Variants in RPTOR observed in about 807,000 individuals in gnomAD.
The protein encoded by RPTOR is regulatory associated protein of MTOR complex 1.
In RPTOR, 21 loss-of-function variants were observed where a neutral mutation model predicts 169.9. The ratio of observed to expected loss-of-function variants is 0.12; its 90% CI spans 0.09 to 0.18. The LOEUF (loss-of-function observed/expected upper bound fraction) is 0.18. Among genes scored for constraint, RPTOR ranks in the 10% least tolerant of loss-of-function variants. The probability of loss-of-function intolerance (pLI) is 1.00; values close to 1 mark genes in which losing one functional copy is unlikely to be tolerated. For missense variants in RPTOR, 1,133 were observed against 1,855.9 expected, an observed-to-expected ratio of 0.61 and a Z score of 7.16; for synonymous variants, 732 against 753.2, an observed-to-expected ratio of 0.97 and a Z score of 0.46.
rs190807835 is a variant in RPTOR, at chr17:80,893,816, C to A, written c.2352C>A (p.Ile784=). 1.5e-5 allele frequency: 23 copies of A among 1,546,454 alleles called. No individual in the cohort carries two copies. In the East Asian group the frequency reaches 4.7e-4, roughly 31 times the overall value. The change falls in exon 20 of 34, where the codon ATC becomes ATA. Residue 784 remains isoleucine (I), a synonymous_variant. Coordinates refer to ENST00000306801, the MANE Select transcript of RPTOR (RefSeq NM_020761.3). ...AGCATATCCTGTCCTTCGAGACCAT[C>A]GACAAGATGCGCCGCGCCAGCTCCT... The part of the protein sequence containing the change: ...NEEHILSFET[I]DKMRRASSYS...
intron 13 of RPTOR, among the ~76,000 whole-genome samples, chr17:80,864,138 C>T (rs1452247975): frequency 6.6e-6 from 1 of 152,168 alleles, no homozygotes; most frequent in Non-Finnish European, 1.5e-5. Context: ...ACCCACAGAT[C>T]CACAAAGCTT....
At position 80,883,842 on chromosome 17, in the gene RPTOR, C is replaced by T. The variant is rs750870985; in HGVS notation, c.1712C>T (p.Pro571Leu). The T allele has an allele frequency of 1.3e-5, 21 of 1,613,650 alleles. No individual in the cohort carries two copies. The highest frequency in any genetic ancestry group is 1.8e-5 in the Non-Finnish European group (21 of 1,180,054). Residue 571 changes from proline (P) to leucine (L), a missense_variant, in exon 16 of 34, where the codon CCC becomes CTC. By Grantham distance (98) the Pro-to-Leu change is moderately conservative. Around this residue, in one of 9 missense-constraint regions of RPTOR, gnomAD observed 289 missense variants for 585.8 expected, o/e 0.49. Transcript: ENST00000306801. The stretch of plus-strand genomic sequence containing the variant: ...CTGGAGCAGCTCAACGACCCGCACC[C>T]CTTGCTGCGCCAGTGGGTGGCCATC... Reference protein sequence around the residue: ...ICLEQLNDPHPLLRQWVAICL... With the variant: ...ICLEQLNDPHLLLRQWVAICL...
In RPTOR at chr17:80,893,389, T is replaced by C. The variant is rs542095748; in HGVS notation, c.2243-318T>C. 1.4e-4 allele frequency among the ~76,000 whole-genome samples: 18 copies of C among 124,678 alleles called. No homozygotes were observed. The South Asian group carries it at 5.3e-3, about 37-fold the overall frequency. 81.8% of individuals were successfully genotyped at this position (124,678 alleles called of 152,430 possible). A position where few individuals can be genotyped will look rare whatever the true frequency, so the allele number is the denominator to read the frequency against. ...GTGTGTGTGCACAAGGGTGTGTGCATGCCAGGGTGTGTGTGTGTGTGTACA... is the reference window on the plus strand; with the variant it reads ...GTGTGTGTGCACAAGGGTGTGTGCACGCCAGGGTGTGTGTGTGTGTGTACA... On this transcript the variant is annotated intron_variant, in intron 19 of 33. Coordinates refer to ENST00000306801, the MANE Select transcript of RPTOR (RefSeq NM_020761.3).
At chr17:80,568,326 G>GT (rs1305216312) in intron 1 of RPTOR, among the ~76,000 whole-genome samples, 6 of 152,164 alleles carry the variant, frequency 3.9e-5, no homozygotes, top group African/African-American at 1.4e-4. Flanking sequence ...TTGGTCACAT[G>GT]TTTTCTCAGC....
At chr17:80,909,837 T>G (rs1405823294) in intron 21 of RPTOR, 3 of 152,254 alleles carry the variant, frequency 2.0e-5, no homozygotes, top group Non-Finnish European at 4.4e-5. Context: ...TTGATTGAGC[T>G]TTCATCAATA....
intron 7 of RPTOR, among the ~76,000 whole-genome samples, chr17:80,799,065 C>A (rs958909111): frequency 1.3e-5 from 2 of 152,204 alleles, no homozygotes; most frequent in African/African-American, 2.4e-5. Flanking sequence ...AAGACCCTCC[C>A]GAGCGTGATA....
chr17:80,849,611 C>T (rs887625254), intron 11 of RPTOR, among the ~76,000 whole-genome samples: 1 of 152,194 alleles, frequency 6.6e-6, no homozygotes, highest in African/African-American at 2.4e-5. Flanking sequence ...CCTCTGCCTC[C>T]TGGGTTCAAG....
chr17:80,872,391 G>A (rs906504841), intron 13 of RPTOR, among the ~76,000 whole-genome samples: 2 of 152,138 alleles, frequency 1.3e-5, no homozygotes. Flanking sequence ...GGAGAACTGC[G>A]GACCAGGAAG....
intron 17 of RPTOR, among the ~76,000 whole-genome samples, chr17:80,885,633 T>G (rs1435642172): frequency 1.3e-5 from 2 of 152,192 alleles, no homozygotes; most frequent in Non-Finnish European, 2.9e-5. Flanking sequence ...AAGCTCCGCC[T>G]CCCGGGTTCA....
chr17:80,757,242 G>T (rs2066690069), intron 6 of RPTOR, among the ~76,000 whole-genome samples: 1 of 152,206 alleles, frequency 6.6e-6, no homozygotes, highest in Admixed American at 6.5e-5. Context: ...AATTGGGAAA[G>T]CTGGAAGCCC....
chr17:80,803,596 C>G lies in RPTOR; in HGVS notation c.890+12087C>G, dbSNP rs966502142. The G allele has an allele frequency of 6.6e-6, 1 of 152,232 alleles. No individual in the cohort carries two copies. The highest frequency in any genetic ancestry group is 2.4e-5 in the African/African-American group (1 of 41,442). The allele number at this position is 152,232 out of a possible 1,614,324, so 9.4% of individuals were successfully genotyped here. A position where few individuals can be genotyped will look rare whatever the true frequency, so the allele number is the denominator to read the frequency against. The stretch of plus-strand genomic sequence containing the variant: ...TCAGCGGGGCCTCGGGTTCCAGGCT[C>G]GAGCGCACTTTTCAGACCCCGCGTG... On this transcript the variant is annotated intron_variant, in intron 7 of 33. Transcript: ENST00000306801. This position sits in a 1 kb window ranked among gnomAD's most constrained non-coding sequence, Gnocchi z 6.2.
At chr17:80,806,245 TAAC>T (rs1327217126) in intron 7 of RPTOR, among the ~76,000 whole-genome samples, 6 of 152,230 alleles carry the variant, frequency 3.9e-5, no homozygotes, top group African/African-American at 1.4e-4. Context: ...CTGGAGAAAT[TAAC>T]AACTGCTTCC....
intron 2 of RPTOR, among the ~76,000 whole-genome samples, chr17:80,641,756 A>G (rs2065556124): frequency 6.6e-6 from 1 of 152,224 alleles, no homozygotes; most frequent in Admixed American, 6.5e-5. Flanking sequence ...ATCTTTTAGC[A>G]TTTAATTGGC....
chr17:80,621,170 G>C (rs1259443268), intron 1 of RPTOR, among the ~76,000 whole-genome samples: 2 of 152,186 alleles, frequency 1.3e-5, no homozygotes, highest in Non-Finnish European at 2.9e-5. Context: ...AGCATTTGGT[G>C]AGTCAGGAAG....
chr17:80,665,442 C>T (rs1368956786), intron 3 of RPTOR, among the ~76,000 whole-genome samples: 2 of 19,880 alleles, frequency 1.0e-4, no homozygotes, highest in Non-Finnish European at 8.3e-5. Flanking sequence ...CCTTTCCTTT[C>T]CTTTCCTTTC....
rs192909110 is a variant in RPTOR at position 80,771,347 on chromosome 17, C to T, written c.830+17162C>T. Among the ~76,000 whole-genome samples the T allele has an allele frequency of 3.2e-4, 48 of 152,290 alleles. 1 individual carries two copies. Among genetic ancestry groups the T allele is most frequent in the African/African-American group, 1.1e-3 (46 of 41,554 alleles). ...GCTCTCCCTCTGCCAGCGCTTTCCT[C>T]GTCATATACACCTGCATAAACCTCT... On this transcript the variant is annotated intron_variant, in intron 6 of 33. Transcript: ENST00000306801.
chr17:80,615,235 A>G (rs1017537086), intron 1 of RPTOR, among the ~76,000 whole-genome samples: 3 of 152,166 alleles, frequency 2.0e-5, no homozygotes, highest in East Asian at 1.9e-4. Context: ...GAGGAGTCCT[A>G]GAAGACCTGC....
At chr17:80,764,093 A>G (rs190573955) in intron 6 of RPTOR, among the ~76,000 whole-genome samples, 6 of 151,500 alleles carry the variant, frequency 4.0e-5, no homozygotes, top group Admixed American at 2.6e-4. Flanking sequence ...ACTAACTTGA[A>G]GTCCTGACCG....
chr17:80,857,918 C>A lies in RPTOR; in HGVS notation c.1509+18C>A. ...TGGACAGCGTGAGTATCCCCGCCCT[C>A]CTCCCCAGAGTGATGTGAACCTGCC... On this transcript the variant is annotated intron_variant, in intron 13 of 33. Transcript: ENST00000306801. 1 of 1,590,588 alleles carries A rather than the reference C, an allele frequency of 6.3e-7. No homozygotes were observed. The highest frequency in any genetic ancestry group is 8.6e-7 in the Non-Finnish European group (1 of 1,159,886).
Sources: allele counts gnomAD v4.1 joint callset (sites outside exome capture counted in the v4.1 genomes callset), GRCh38; gene constraint gnomAD v4.1.1; regional missense constraint gnomAD v4.1.1; non-coding constraint Gnocchi (gnomAD v3.1); transcripts MANE v1.5; gene names NCBI Gene and HGNC (gene_info 2026-07-23, HGNC 2026-07-21).